NBAS: variants seen among roughly 807,000 people sequenced by gnomAD.
NBAS encodes the protein NAG/BC035112 fusion.
NBAS carries 219 observed loss-of-function variants against 302.5 expected under a neutral mutation model. The ratio of observed to expected loss-of-function variants is 0.72; its 90% CI spans 0.65 to 0.81. The LOEUF is 0.81. NBAS is among the 30% of genes least tolerant of loss of function. The pLI is 0.00. For synonymous variants in NBAS, 1,118 were observed against 1,021.6 expected, an observed-to-expected ratio of 1.09 and a Z score of -1.80; for missense variants, 2,932 against 2,841.6, an observed-to-expected ratio of 1.03 and a Z score of -0.72.
chr2:15,161,482 G>T, the NBAS span, among the ~76,000 whole-genome samples: 2 of 152,204 alleles, frequency 1.3e-5, no homozygotes, highest in Non-Finnish European at 1.5e-5. Flanking sequence ...GATGAAGGAA[G>T]CAAGTGTGGC....
rs1669164112 is a variant in NBAS at position 15,268,276 on chromosome 2, T to C, written c.5724+7208A>G. Among the ~76,000 whole-genome samples the C allele has an allele frequency of 2.6e-5, 4 of 152,188 alleles. No homozygotes were observed. The South Asian group carries it at 8.3e-4, about 31-fold the overall frequency. On this transcript the variant is annotated intron_variant, in intron 44 of 51. Transcript: ENST00000281513. The stretch of plus-strand genomic sequence containing the variant: ...TTGATACACTCTTCTGGTATTGTTG[T>C]TTTCCCAGTGGTAAACATCTGTGGG...
rs2148054678 is a variant in NBAS at position 15,275,482 on chromosome 2, A to G, written c.5724+2T>C. ...ACCACTTTAAAATATCTTTTTGTTT[A>G]CCTTGGTCACAGCTTTTGGAGAAAA... On this transcript the variant is annotated splice_donor_variant, in intron 44 of 51. Transcript: ENST00000281513. LOFTEE classifies it high-confidence loss of function. The G allele has an allele frequency of 6.2e-7, 1 of 1,613,756 alleles. No homozygotes were observed. The highest frequency in any genetic ancestry group is 8.5e-7 in the Non-Finnish European group (1 of 1,179,808).
At chr2:14,892,456 C>T in the NBAS span, among the ~76,000 whole-genome samples, 19 of 152,142 alleles carry the variant, frequency 1.2e-4, no homozygotes, top group East Asian at 3.9e-4. Flanking sequence ...CTTCCCTGTC[C>T]GACAACTAAT....
chr2:15,276,905 T>A lies in NBAS; in HGVS notation c.5335A>T (p.Ile1779Phe), dbSNP rs1291322294. ...AGTCGAATGTGGGTTTCTGGTTTAA[T>A]GGCACAGTTCCCCAAATCTGCACAG... Reference protein sequence around the residue: ...CGCADLGNCAIKPETHIRLLK... With the variant: ...CGCADLGNCAFKPETHIRLLK... The change falls in exon 43 of 52, where the codon ATT becomes TTT. Residue 1779 changes from isoleucine (I) to phenylalanine (F), a missense_variant. Coordinates refer to ENST00000281513, the MANE Select transcript of NBAS (RefSeq NM_015909.4). The A allele has an allele frequency of 2.5e-6, 4 of 1,614,088 alleles. No individual in the cohort carries two copies.
At chr2:15,470,521 A>G (rs529561193) in intron 16 of NBAS, among the ~76,000 whole-genome samples, 1 of 152,346 alleles carries the variant, frequency 6.6e-6, no homozygotes, top group African/African-American at 2.4e-5. Context: ...TATAGCAGTG[A>G]ATAAAACAGA....
At chr2:15,507,875 C>T (rs1348092934) in intron 10 of NBAS, among the ~76,000 whole-genome samples, 2 of 152,176 alleles carry the variant, frequency 1.3e-5, no homozygotes, top group Non-Finnish European at 2.9e-5. Context: ...TGGGTCAATA[C>T]ACATATTGAA....
chr2:14,850,187 T>C, the NBAS span, among the ~76,000 whole-genome samples: 8,604 of 133,582 alleles, frequency 0.064, 2,901 homozygotes, highest in African/African-American at 0.31. Context: ...GAAACCCATC[T>C]CACGTGCAGA....
chr2:15,517,348 C>T (rs1266062059), intron 9 of NBAS, among the ~76,000 whole-genome samples: 3 of 151,842 alleles, frequency 2.0e-5, no homozygotes, highest in Non-Finnish European at 2.9e-5. Flanking sequence ...AAGGGATGGA[C>T]AAATAACCAA....
At chr2:14,789,930 T>G in the NBAS span, among the ~76,000 whole-genome samples, 2 of 152,248 alleles carry the variant, frequency 1.3e-5, no homozygotes, top group Non-Finnish European at 2.9e-5. Context: ...GTAACTTATT[T>G]GTAATAAGGG....
chr2:15,482,259 T>C (rs1680459944), intron 12 of NBAS, among the ~76,000 whole-genome samples: 1 of 151,932 alleles, frequency 6.6e-6, no homozygotes, highest in Admixed American at 6.6e-5. Flanking sequence ...GCCTCCCGAG[T>C]AGCTGGGAAT....
the NBAS span, among the ~76,000 whole-genome samples, chr2:15,111,726 G>GA: frequency 1.3e-5 from 2 of 151,286 alleles, no homozygotes; most frequent in African/African-American, 4.8e-5. Flanking sequence ...TAAAGAAAAA[G>GA]AAAAAAATGA....
chr2:15,542,356 G>A (rs1278682794), intron 6 of NBAS, among the ~76,000 whole-genome samples: 4 of 104,452 alleles, frequency 3.8e-5, no homozygotes, highest in Non-Finnish European at 6.2e-5. Context: ...TGAAACATGT[G>A]CTGTGTCCAC....
the NBAS span, among the ~76,000 whole-genome samples, chr2:15,047,251 C>T: frequency 6.6e-6 from 1 of 152,366 alleles, no homozygotes; most frequent in Admixed American, 6.5e-5. Flanking sequence ...GAGAAGGAGG[C>T]ACAGATGGTT....
intron 13 of NBAS, among the ~76,000 whole-genome samples, chr2:15,477,453 G>T (rs1347704476): frequency 2.0e-5 from 3 of 152,078 alleles, no homozygotes; most frequent in Non-Finnish European, 4.4e-5. Flanking sequence ...TAGAGACAGG[G>T]TTTCACCATG....
At chr2:15,247,687 TA>T (rs1043113375) in intron 44 of NBAS, among the ~76,000 whole-genome samples, 1 of 150,624 alleles carries the variant, frequency 6.6e-6, no homozygotes, top group African/African-American at 2.4e-5. Flanking sequence ...TCTCTATATA[TA>T]TATCTATATA....
chr2:15,512,267 T>C (rs1293020665), intron 9 of NBAS, among the ~76,000 whole-genome samples: 1 of 152,152 alleles, frequency 6.6e-6, no homozygotes, highest in Non-Finnish European at 1.5e-5. Flanking sequence ...ATAAAATAAA[T>C]ATCAGTACCT....
chr2:15,416,471 C>G (rs1386719314), intron 24 of NBAS, among the ~76,000 whole-genome samples: 5 of 152,016 alleles, frequency 3.3e-5, no homozygotes, highest in African/African-American at 1.2e-4. Flanking sequence ...GGAAAAGAAA[C>G]TAATGAGATA....
chr2:15,062,864 A>G, the NBAS span, among the ~76,000 whole-genome samples: 2 of 152,336 alleles, frequency 1.3e-5, no homozygotes, highest in South Asian at 2.1e-4. Flanking sequence ...CAATCAAAAC[A>G]ATGCAATCAG....
At chr2:15,057,741 G>T in the NBAS span, among the ~76,000 whole-genome samples, 1 of 152,144 alleles carries the variant, frequency 6.6e-6, no homozygotes, top group Non-Finnish European at 1.5e-5. Context: ...TCAGATCATT[G>T]CAAATGCTGT....
Sources: gnomAD v4.1 joint callset for allele counts (sites outside exome capture counted in the v4.1 genomes callset) on GRCh38, gnomAD v4.1.1 for gene constraint, MANE v1.5 for transcripts, NCBI Gene and HGNC (gene_info 2026-07-23, HGNC 2026-07-21) for gene names.